ASAP1: variants seen among roughly 807,000 people sequenced by gnomAD.
ASAP1 encodes arf-GAP with SH3 domain, ANK repeat and PH domain-containing protein 1.
Under a neutral mutation model 145.2 loss-of-function variants are expected in ASAP1, and 43 were observed. That is an observed-to-expected ratio of 0.30 (90% CI 0.23 to 0.38). ASAP1 has a LOEUF of 0.38. ASAP1 is among the 10% of genes least tolerant of loss of function. The pLI is 1.00. For synonymous variants in ASAP1, 546 were observed against 515.5 expected, an observed-to-expected ratio of 1.06 and a Z score of -0.80; for missense variants, 1,018 against 1,355.3, an observed-to-expected ratio of 0.75 and a Z score of 3.91.
At chr8:130,141,791 C>T (rs927594198) in intron 13 of ASAP1, among the ~76,000 whole-genome samples, 1 of 152,070 alleles carries the variant, frequency 6.6e-6, no homozygotes, top group African/African-American at 2.4e-5. Flanking sequence ...AATCATGGCT[C>T]ACTGCAGCCT....
intron 9 of ASAP1, among the ~76,000 whole-genome samples, chr8:130,178,381 G>A (rs1814113074): frequency 6.6e-6 from 1 of 152,090 alleles, no homozygotes; most frequent in Non-Finnish European, 1.5e-5. Context: ...ACCCATGAAA[G>A]TTAACCCAAT....
At chr8:130,273,821 C>A (rs1457384106) in intron 3 of ASAP1, among the ~76,000 whole-genome samples, 1 of 152,204 alleles carries the variant, frequency 6.6e-6, no homozygotes, top group Non-Finnish European at 1.5e-5. Flanking sequence ...AGGGTTAACA[C>A]TGCCCTGTCT....
intron 3 of ASAP1, among the ~76,000 whole-genome samples, chr8:130,262,468 T>G (rs1819995199): frequency 1.5e-5 from 2 of 136,542 alleles, no homozygotes; most frequent in Non-Finnish European, 1.5e-5. Flanking sequence ...ACCTGTGGAA[T>G]TTCAGATAGG....
chr8:130,252,233 CATAAA>C (rs1819241475), intron 3 of ASAP1, among the ~76,000 whole-genome samples: 1 of 151,892 alleles, frequency 6.6e-6, no homozygotes, highest in South Asian at 2.1e-4. Flanking sequence ...GTGCAGATAT[CATAAA>C]ATATCATAAT....
At chr8:130,276,290 A>G (rs184320629) in intron 3 of ASAP1, among the ~76,000 whole-genome samples, 1 of 152,316 alleles carries the variant, frequency 6.6e-6, no homozygotes, top group East Asian at 1.9e-4. Flanking sequence ...AAGTTCACAA[A>G]GTGATTCCAT....
At chr8:130,348,872 A>G (rs554138529) in intron 3 of ASAP1, among the ~76,000 whole-genome samples, 1 of 152,360 alleles carries the variant, frequency 6.6e-6, no homozygotes, top group South Asian at 2.1e-4. Context: ...ATGCAGGTAC[A>G]TAATAAATAC....
chr8:130,221,920 T>C (rs1817315116), intron 4 of ASAP1, among the ~76,000 whole-genome samples: 1 of 152,234 alleles, frequency 6.6e-6, no homozygotes, highest in African/African-American at 2.4e-5. Flanking sequence ...TGTTATTAAA[T>C]TTAAGCAAGA....
At chr8:130,206,222 T>G (rs1816210754) in intron 5 of ASAP1, among the ~76,000 whole-genome samples, 2 of 152,136 alleles carry the variant, frequency 1.3e-5, no homozygotes, top group Non-Finnish European at 2.9e-5. Context: ...GATCAAACGC[T>G]GAAAACTGCC....
intron 3 of ASAP1, among the ~76,000 whole-genome samples, chr8:130,285,593 G>T (rs899984916): frequency 3.3e-5 from 5 of 152,154 alleles, no homozygotes; most frequent in Non-Finnish European, 7.3e-5. Flanking sequence ...TCAGCCAATT[G>T]TAACTCTGAC....
chr8:130,323,507 G>A (rs1824141166), intron 3 of ASAP1, among the ~76,000 whole-genome samples: 3 of 152,158 alleles, frequency 2.0e-5, no homozygotes, highest in Non-Finnish European at 2.9e-5. Flanking sequence ...CCAGTCCCCT[G>A]TCATGTTGGA....
At chr8:130,202,329 T>C (rs1815918995) in intron 5 of ASAP1, among the ~76,000 whole-genome samples, 2 of 152,322 alleles carry the variant, frequency 1.3e-5, no homozygotes, top group South Asian at 4.1e-4. Flanking sequence ...AGTCTGGTCC[T>C]ATACCTTTGT....
At chr8:130,313,524 T>C (rs1823481847) in intron 3 of ASAP1, among the ~76,000 whole-genome samples, 1 of 152,194 alleles carries the variant, frequency 6.6e-6, no homozygotes, top group Non-Finnish European at 1.5e-5. Flanking sequence ...AGTAACAGAC[T>C]ACCCTTGTGG....
At chr8:130,115,149 AT>A (rs1456634754) in intron 23 of ASAP1, among the ~76,000 whole-genome samples, 2 of 152,180 alleles carry the variant, frequency 1.3e-5, no homozygotes, top group Non-Finnish European at 2.9e-5. Flanking sequence ...AATTTTTTAG[AT>A]GCAATTACCA....
In ASAP1 at chr8:130,257,786, A is replaced by ACCCC. The variant is rs11392655; in HGVS notation, c.187-20796_187-20793dup. Among the ~76,000 whole-genome samples the ACCCC allele has an allele frequency of 4.3e-4, 57 of 132,912 alleles. 1 individual carries two copies. The highest frequency in any genetic ancestry group is 5.6e-4 in the African/African-American group (19 of 34,128). The allele number at this position is 132,912 out of a possible 152,430, so 87.2% of individuals were successfully genotyped here. A position where few individuals can be genotyped will look rare whatever the true frequency, so the allele number is the denominator to read the frequency against. On this transcript the variant is annotated intron_variant, in intron 3 of 29. Coordinates refer to ENST00000518721, the MANE Select transcript of ASAP1 (RefSeq NM_018482.4). ...TCTAAACTGATTTGGACTCAAGAGC[A>ACCCC]CCCCCCCCCCATTATTTTTTAGAAG...
intron 24 of ASAP1, among the ~76,000 whole-genome samples, chr8:130,097,461 T>C (rs552573035): frequency 5.3e-5 from 8 of 152,168 alleles, no homozygotes; most frequent in Non-Finnish European, 8.8e-5. Context: ...CAACAGCCTC[T>C]TGGTCACTCC....
chr8:130,218,848 C>CATAT lies in ASAP1; in HGVS notation c.260-4151_260-4148dup, dbSNP rs58256601. ...GCTGAATAACCATGTAGTCTCTTTC[C>CATAT]ATATATATATATATATGCATATGTA... is the stretch of plus-strand genomic sequence containing the variant. On this transcript the variant is annotated intron_variant, in intron 4 of 29. Transcript: ENST00000518721. Among the ~76,000 whole-genome samples, 1,164 of 149,186 alleles carry CATAT rather than the reference C, an allele frequency of 7.8e-3. 6 individuals are homozygous for CATAT. The highest frequency in any genetic ancestry group is 0.041 in the East Asian group (210 of 5,084).
At chr8:130,260,467 C>T (rs1819827355) in intron 3 of ASAP1, among the ~76,000 whole-genome samples, 2 of 152,196 alleles carry the variant, frequency 1.3e-5, no homozygotes, top group South Asian at 2.1e-4. Flanking sequence ...ATTCTAATTG[C>T]CATATTAAAA....
intron 26 of ASAP1, among the ~76,000 whole-genome samples, chr8:130,077,925 GCAAA>G (rs2097467561): frequency 6.6e-6 from 1 of 151,686 alleles, no homozygotes; most frequent in Admixed American, 6.6e-5. Flanking sequence ...CATCTCAAAA[GCAAA>G]CAAACAAACT....
chr8:130,403,836 G>A (rs1828911543), intron 1 of ASAP1, among the ~76,000 whole-genome samples: 2 of 152,114 alleles, frequency 1.3e-5, no homozygotes, highest in African/African-American at 4.8e-5. Context: ...TTACAGGTGT[G>A]AGCCTCTGTG....
Sources: allele counts gnomAD v4.1 joint callset (sites outside exome capture counted in the v4.1 genomes callset), GRCh38; gene constraint gnomAD v4.1.1; transcripts MANE v1.5; gene names NCBI Gene and HGNC (gene_info 2026-07-23, HGNC 2026-07-21).